Variants in ATP10B observed in about 807,000 individuals in gnomAD.
The protein encoded by ATP10B is ATPase phospholipid transporting 10B (putative).
In ATP10B, 122 loss-of-function variants were observed where a neutral mutation model predicts 141.2. The observed-to-expected ratio is 0.86, with a 90% CI of 0.75 to 1.00. The LOEUF is 1.00. Ranked by LOEUF, ATP10B falls within the 50% of genes least tolerant of loss-of-function variation. The pLI is 0.00. For synonymous variants in ATP10B, 685 were observed against 692.0 expected (o/e 0.99, Z 0.16); for missense variants, 1,876 against 1,825.3 (o/e 1.03, Z -0.51).
At chr5:160,857,055 G>A (rs193036991), upstream of ATP10B, among the ~76,000 whole-genome samples, 13 of 151,636 alleles carry the variant, frequency 8.6e-5, no homozygotes, top group East Asian at 1.4e-3. Flanking sequence ...TTGATATCAG[G>A]GTAATACCAG....
At chr5:160,648,925 GGT>G (rs1491172700) in intron 8 of ATP10B, among the ~76,000 whole-genome samples, 7 of 82,910 alleles carry the variant, frequency 8.4e-5, no homozygotes, top group African/African-American at 2.9e-4. Flanking sequence ...ATTTTACTAA[GGT>G]TTTTTTTTTT....
the ATP10B span, among the ~76,000 whole-genome samples, chr5:160,867,777 G>A: frequency 2.0e-5 from 3 of 152,100 alleles, no homozygotes. Context: ...AGTTTTAACT[G>A]TGGATTTGGG....
At chr5:160,817,984 A>G (rs1773795012) in intron 1 of ATP10B, among the ~76,000 whole-genome samples, 1 of 152,216 alleles carries the variant, frequency 6.6e-6, no homozygotes, top group Non-Finnish European at 1.5e-5. Context: ...CTTACACCTT[A>G]TACAAAAATT....
At chr5:160,721,189 G>T (rs1176621725) in intron 2 of ATP10B, among the ~76,000 whole-genome samples, 2 of 152,194 alleles carry the variant, frequency 1.3e-5, no homozygotes, top group Non-Finnish European at 2.9e-5. Flanking sequence ...CATGGACCAT[G>T]GTGCTCTGTC....
Position 160,634,261 on chromosome 5 carries a change from G to C in ATP10B, c.1381+93C>G, listed in dbSNP as rs753496386. On this transcript the variant is annotated intron_variant, in intron 12 of 25. Coordinates refer to ENST00000327245, the MANE Select transcript of ATP10B (RefSeq NM_025153.3). ...TGGAAATGCCACACAGCCTCTAAGA[G>C]AGCCAGGAGAATGTCTTTTATCTCC... 2.5e-6 allele frequency: 4 copies of C among 1,575,674 alleles called. No individual in the cohort carries two copies. The Admixed American group carries it at 6.7e-5, about 26-fold the overall frequency.
intron 22 of ATP10B, among the ~76,000 whole-genome samples, chr5:160,591,904 A>G (rs1470286982): frequency 6.6e-6 from 1 of 152,200 alleles, no homozygotes; most frequent in African/African-American, 2.4e-5. Flanking sequence ...TTGGGCTAAC[A>G]ACTGGGCTTG....
chr5:160,715,149 C>T (rs891267409), intron 3 of ATP10B, among the ~76,000 whole-genome samples: 10 of 149,536 alleles, frequency 6.7e-5, no homozygotes, highest in Admixed American at 3.3e-4. Context: ...CCACCAAGTT[C>T]GAGGTTCCCG....
Position 160,634,667 on chromosome 5 carries a change from C to T in ATP10B, c.1129-61G>A, listed in dbSNP as rs1759222405. The stretch of plus-strand genomic sequence containing the variant: ...GGCAGGTTCCCTCCCTTGGGATCCT[C>T]ACTAGCAGGTAGCAAAGGCATTTCA... On this transcript the variant is annotated intron_variant, in intron 11 of 25. Transcript: ENST00000327245. 3.9e-6 allele frequency: 6 copies of T among 1,521,882 alleles called. No individual in the cohort carries two copies. In the East Asian group the frequency reaches 1.4e-4, roughly 34 times the overall value. The allele number at this position is 1,521,882 out of a possible 1,614,324, so 94.3% of individuals were successfully genotyped here.
rs1763851081 is a variant in ATP10B at position 160,687,794 on chromosome 5, C to T, written c.275+6G>A. On this transcript the variant is annotated splice_donor_region_variant and intron_variant, in intron 5 of 25. Coordinates refer to ENST00000327245, the MANE Select transcript of ATP10B (RefSeq NM_025153.3). Reference sequence around the variant, plus strand: ...AAGAGTATTGTTCAGACAAGTGGATCTCTACCTATGAAATTGCTCAAAGAG... The same window carrying T: ...AAGAGTATTGTTCAGACAAGTGGATTTCTACCTATGAAATTGCTCAAAGAG... 1 of 1,612,164 alleles carries T rather than the reference C, an allele frequency of 6.2e-7. No homozygotes were observed. Among genetic ancestry groups the T allele is most frequent in the Non-Finnish European group, 8.5e-7 (1 of 1,178,972 alleles).
chr5:160,821,552 C>G lies in ATP10B; in HGVS notation c.-576+30389G>C, dbSNP rs192888402. Among the ~76,000 whole-genome samples, 1,064 of 152,026 alleles carry G rather than the reference C, an allele frequency of 7.0e-3. 18 individuals are homozygous for G. Among genetic ancestry groups the G allele is most frequent in the African/African-American group, 0.024 (1,003 of 41,518 alleles). On this transcript the variant is annotated intron_variant, in intron 1 of 25. Transcript: ENST00000327245. Reference sequence around the variant, plus strand: ...GGAACCATAAAAGACCCAGAAGAATCAAAGCTTTTCCAAACAAAAACAACA... The same window carrying G: ...GGAACCATAAAAGACCCAGAAGAATGAAAGCTTTTCCAAACAAAAACAACA...
chr5:160,824,850 G>A (rs1215565553), intron 1 of ATP10B, among the ~76,000 whole-genome samples: 3 of 152,116 alleles, frequency 2.0e-5, no homozygotes, highest in Admixed American at 2.0e-4. Context: ...CACTAGCCTG[G>A]GTGTCAAGGA....
At chr5:160,927,907 C>T in the ATP10B span, among the ~76,000 whole-genome samples, 1 of 152,164 alleles carries the variant, frequency 6.6e-6, no homozygotes, top group African/African-American at 2.4e-5. Flanking sequence ...GAAGAGATGG[C>T]CTTTGAGCCG....
chr5:160,622,566 T>C lies in ATP10B; in HGVS notation c.1640A>G (p.Asp547Gly), dbSNP rs1758407104. The C allele has an allele frequency of 1.2e-6, 2 of 1,612,208 alleles. No individual in the cohort carries two copies. Among genetic ancestry groups the C allele is most frequent in the South Asian group, 1.1e-5 (1 of 90,882 alleles). Residue 547 changes from aspartate (D) to glycine (G), a missense_variant, in exon 14 of 26, where the codon GAT becomes GGT. By Grantham distance (94) the Asp-to-Gly change is moderately conservative. Coordinates refer to ENST00000327245, the MANE Select transcript of ATP10B (RefSeq NM_025153.3). Reference protein sequence around the residue: ...SSSIEKDVTPDKNLLTKVRDA... With the variant: ...SSSIEKDVTPGKNLLTKVRDA... ...TCGAACCTTGGTCAGTAGGTTTTTATCTGGAGTTACATCTTTTTCCTGGAA... is the reference window on the plus strand; with the variant it reads ...TCGAACCTTGGTCAGTAGGTTTTTACCTGGAGTTACATCTTTTTCCTGGAA...
chr5:160,615,751 T>G lies in ATP10B; in HGVS notation c.2653+87A>C, dbSNP rs539865887. ...AGGGAAGGCTGCTAATGGAGACATATTAGTAGTGTCAGAATCGGGGCCAAG... is the reference window on the plus strand; with the variant it reads ...AGGGAAGGCTGCTAATGGAGACATAGTAGTAGTGTCAGAATCGGGGCCAAG... On this transcript the variant is annotated intron_variant, in intron 17 of 25. Coordinates refer to ENST00000327245, the MANE Select transcript of ATP10B (RefSeq NM_025153.3). The G allele has an allele frequency of 9.2e-6, 14 of 1,525,820 alleles. 1 individual carries two copies. The African/African-American group carries it at 1.6e-4, about 18-fold the overall frequency. 94.5% of individuals were successfully genotyped at this position (1,525,820 alleles called of 1,614,324 possible).
chr5:160,673,529 T>G (rs1436811231), intron 6 of ATP10B, among the ~76,000 whole-genome samples: 1 of 31,074 alleles, frequency 3.2e-5, no homozygotes, highest in East Asian at 1.1e-3. Context: ...TTCTATTTTG[T>G]TTTGTTTTTT....
chr5:160,671,008 T>G (rs897196323), intron 6 of ATP10B, among the ~76,000 whole-genome samples: 15 of 151,324 alleles, frequency 9.9e-5, no homozygotes, highest in Non-Finnish European at 1.6e-4. Flanking sequence ...CTACTAAAAA[T>G]ACAAAAATTA....
intron 2 of ATP10B, among the ~76,000 whole-genome samples, chr5:160,781,657 A>G (rs1238337075): frequency 6.6e-6 from 1 of 152,210 alleles, no homozygotes; most frequent in Non-Finnish European, 1.5e-5. Context: ...GTTTTGGAGC[A>G]ACTCATACTG....
In ATP10B at chr5:160,620,202, G is replaced by T. The variant is rs922903863; in HGVS notation, c.2416+145C>A. On this transcript the variant is annotated intron_variant, in intron 15 of 25. Coordinates refer to ENST00000327245, the MANE Select transcript of ATP10B (RefSeq NM_025153.3). ...AATGCAGCATGTTTTAAGGATATTT[G>T]AGGAAAACATCTTGTAGGTCTGTAT... 1.7e-5 allele frequency: 18 copies of T among 1,068,178 alleles called. No individual in the cohort carries two copies. The African/African-American group carries it at 2.5e-4, about 15-fold the overall frequency. The allele number at this position is 1,068,178 out of a possible 1,614,324, so 66.2% of individuals were successfully genotyped here. A position where few individuals can be genotyped will look rare whatever the true frequency, so the allele number is the denominator to read the frequency against.
intron 2 of ATP10B, among the ~76,000 whole-genome samples, chr5:160,767,621 G>T (rs1184487131): frequency 7.0e-6 from 1 of 143,282 alleles, no homozygotes; most frequent in Non-Finnish European, 1.5e-5. Context: ...TGGTGTGAGG[G>T]TCATGTGTGC....
Sources: gnomAD v4.1 joint callset for allele counts (sites outside exome capture counted in the v4.1 genomes callset) on GRCh38, gnomAD v4.1.1 for gene constraint, MANE v1.5 for transcripts, NCBI Gene and HGNC (gene_info 2026-07-23, HGNC 2026-07-21) for gene names.